VIPR2: variants seen among roughly 807,000 people sequenced by gnomAD.
VIPR2 encodes the protein vasoactive intestinal polypeptide receptor 2.
VIPR2 carries 48 observed loss-of-function variants against 58.0 expected under a neutral mutation model. The observed-to-expected ratio is 0.83, with a 90% CI of 0.66 to 1.05. VIPR2 has a LOEUF of 1.05. Ranked by LOEUF, VIPR2 falls within the 50% of genes least tolerant of loss-of-function variation. VIPR2 has a pLI of 0.00. For synonymous variants in VIPR2, 243 were observed against 235.2 expected, an observed-to-expected ratio of 1.03 and a Z score of -0.30; for missense variants, 534 against 558.0, an observed-to-expected ratio of 0.96 and a Z score of 0.43.
intron 2 of VIPR2, 85 bp from the exon 3 acceptor site, chr7:159,110,004 G>T (rs142911787): frequency 7.7e-4 from 986 of 1,274,652 alleles, no homozygotes; most frequent in Non-Finnish European, 1.1e-3. Flanking sequence ...TAACTGCCTC[G>T]CAAACTCCTT....
intron 4 of VIPR2, among the ~76,000 whole-genome samples, chr7:159,087,138 G>A (rs921328355): frequency 4.0e-5 from 6 of 148,474 alleles, no homozygotes; most frequent in Non-Finnish European, 9.0e-5. Flanking sequence ...CCCAGGACTC[G>A]GATAGTGAGA....
chr7:159,054,994 G>C (rs751593607), intron 5 of VIPR2, among the ~76,000 whole-genome samples: 1 of 152,176 alleles, frequency 6.6e-6, no homozygotes, highest in Non-Finnish European at 1.5e-5. Context: ...AAAGTAACAT[G>C]TGCATCTGTG....
rs1222283808 is a variant in VIPR2, at chr7:159,029,339, T to TA, written c.*1276_*1277insT. The TA allele has an allele frequency of 6.6e-6, 1 of 152,216 alleles. No homozygotes were observed. The highest frequency in any genetic ancestry group is 1.5e-5 in the Non-Finnish European group (1 of 68,080). 9.4% of individuals were successfully genotyped at this position (152,216 alleles called of 1,614,324 possible). A position where few individuals can be genotyped will look rare whatever the true frequency, so the allele number is the denominator to read the frequency against. On this transcript the variant is annotated 3_prime_UTR_variant, in exon 13 of 13. Transcript: ENST00000262178. ...GGGCTTGGCACACACATGGAGACTG[T>TA]GCCCTGATATCCCCACCCTTCTGCA... is the stretch of plus-strand genomic sequence containing the variant.
intron 4 of VIPR2, among the ~76,000 whole-genome samples, chr7:159,064,193 G>A (rs1302973483): frequency 6.6e-6 from 1 of 152,056 alleles, no homozygotes. Flanking sequence ...GGTGGGAGAG[G>A]GGCGGCCCCA....
intron 12 of VIPR2, 143 bp from the exon 13 acceptor site, chr7:159,030,932 C>T: frequency 8.5e-7 from 1 of 1,170,796 alleles, no homozygotes; most frequent in Middle Eastern, 3.0e-4. Flanking sequence ...GAAACAGAAA[C>T]GGCCTTGGGG....
intron 3 of VIPR2, among the ~76,000 whole-genome samples, chr7:159,105,395 G>T (rs1858585401): frequency 6.6e-6 from 1 of 152,188 alleles, no homozygotes; most frequent in Non-Finnish European, 1.5e-5. Context: ...TTAATTTCAA[G>T]ACAACCCTGC....
At chr7:159,064,317 G>A (rs772078203) in intron 4 of VIPR2, among the ~76,000 whole-genome samples, 3 of 152,054 alleles carry the variant, frequency 2.0e-5, no homozygotes, top group Admixed American at 6.5e-5. Flanking sequence ...CCGTGGGCTC[G>A]AGCGGGTCCA....
At position 159,031,896 on chromosome 7, in the gene VIPR2, G is replaced by A. The variant is rs1853609422; in HGVS notation, c.1102-27C>T. The stretch of plus-strand genomic sequence containing the variant: ...TGCAATGAGAAGAGATGGTCAGGCA[G>A]GACCCGCGCTCGGGGGAGGGCGGCC... On this transcript the variant is annotated intron_variant, in intron 11 of 12. Transcript: ENST00000262178. The surrounding 1 kb of genome is among the most constrained non-coding windows in gnomAD (Gnocchi z 4.0). 1.9e-6 allele frequency: 3 copies of A among 1,614,016 alleles called. No homozygotes were observed. Among genetic ancestry groups the A allele is most frequent in the Middle Eastern group, 1.6e-4 (1 of 6,082 alleles).
rs1199992514 is a variant in VIPR2 at position 159,128,554 on chromosome 7, G to A, written c.151+13892C>T. 6.6e-6 allele frequency among the ~76,000 whole-genome samples: 1 copy of A among 152,020 alleles called. No homozygotes were observed. Among genetic ancestry groups the A allele is most frequent in the African/African-American group, 2.4e-5 (1 of 41,384 alleles). On this transcript the variant is annotated intron_variant, in intron 2 of 12. Transcript: ENST00000262178. The surrounding 1 kb of genome is among the most constrained non-coding windows in gnomAD (Gnocchi z 4.1). ...AGTCCCTACCAGAGGCACTTTCCTCGCCTCTGACCCTGCCTTCTTTGCTCT... is the reference window on the plus strand; with the variant it reads ...AGTCCCTACCAGAGGCACTTTCCTCACCTCTGACCCTGCCTTCTTTGCTCT...
Position 159,034,667 on chromosome 7 carries a change from G to A in VIPR2, c.810-17C>T, listed in dbSNP as rs1261014609. 1 of 1,612,310 alleles carries A rather than the reference G, an allele frequency of 6.2e-7. No individual in the cohort carries two copies. Among genetic ancestry groups the A allele is most frequent in the East Asian group, 2.2e-5 (1 of 44,852 alleles). On this transcript the variant is annotated splice_polypyrimidine_tract_variant and intron_variant, in intron 8 of 12. Coordinates refer to ENST00000262178, the MANE Select transcript of VIPR2 (RefSeq NM_003382.5). ...TCCCAGCAACTGTCAGAGAGAGATG[G>A]GAAATCAGGTTACCACCAACCACTT...
At position 159,142,492 on chromosome 7, in the gene VIPR2, T is replaced by C. The variant is rs752567800; in HGVS notation, c.105A>G (p.Glu35=). 1 of 1,614,144 alleles carries C rather than the reference T, an allele frequency of 6.2e-7. No homozygotes were observed. Among genetic ancestry groups the C allele is most frequent in the South Asian group, 1.1e-5 (1 of 91,076 alleles). Residue 35 remains glutamate (E), a synonymous_variant, in exon 2 of 13, where the codon GAA becomes GAG. Coordinates refer to ENST00000262178, the MANE Select transcript of VIPR2 (RefSeq NM_003382.5). ...CRFHLEIQEE[E]TKCAELLRSQ... ...ACCTCAGAAGCTCTGCACATTTTGTTTCTTCCTCCTGTATTTCCAGATGAA... is the reference window on the plus strand; with the variant it reads ...ACCTCAGAAGCTCTGCACATTTTGTCTCTTCCTCCTGTATTTCCAGATGAA...
rs760747289 is a variant in VIPR2, at chr7:159,128,153, G to A, written c.151+14293C>T. Among the ~76,000 whole-genome samples, 30 of 152,096 alleles carry A rather than the reference G, an allele frequency of 2.0e-4. No homozygotes were observed. The highest frequency in any genetic ancestry group is 4.1e-4 in the Non-Finnish European group (28 of 68,000). Reference sequence around the variant, plus strand: ...CTCTGCCCCTGAGGGATGTGACGGGGGTGGGGGGACACCACCCCAGCTTAG... The same window carrying A: ...CTCTGCCCCTGAGGGATGTGACGGGAGTGGGGGGACACCACCCCAGCTTAG... On this transcript the variant is annotated intron_variant, in intron 2 of 12. Transcript: ENST00000262178. The surrounding 1 kb of genome is among the most constrained non-coding windows in gnomAD (Gnocchi z 4.1).
At chr7:159,106,369 G>C (rs1021717432) in intron 3 of VIPR2, among the ~76,000 whole-genome samples, 1 of 152,276 alleles carries the variant, frequency 6.6e-6, no homozygotes, top group Admixed American at 6.5e-5. Context: ...AAATGACTGA[G>C]GTGGCAACCT....
At chr7:159,034,501 T>C in intron 9 of VIPR2, 80 bp downstream of exon 9, 1 of 1,468,852 alleles carries the variant, frequency 6.8e-7, no homozygotes, top group Non-Finnish European at 9.5e-7. Flanking sequence ...TCAGTTCTAT[T>C]TAATAAAGGA....
At chr7:159,123,593 G>A (rs1295311099) in intron 2 of VIPR2, among the ~76,000 whole-genome samples, 1 of 152,132 alleles carries the variant, frequency 6.6e-6, no homozygotes, top group Non-Finnish European at 1.5e-5. Flanking sequence ...CTTTGCTATT[G>A]TGAATGGAGC....
chr7:159,048,242 G>A (rs905869574), intron 5 of VIPR2, among the ~76,000 whole-genome samples: 4 of 152,190 alleles, frequency 2.6e-5, no homozygotes, highest in Non-Finnish European at 5.9e-5. Flanking sequence ...GCTGATACAA[G>A]GGTAAGCTTA....
At chr7:159,081,685 T>C (rs1307508691) in intron 4 of VIPR2, among the ~76,000 whole-genome samples, 1 of 152,078 alleles carries the variant, frequency 6.6e-6, no homozygotes, top group Non-Finnish European at 1.5e-5. Context: ...ACAGGCAACC[T>C]ACAGAATGGG....
chr7:159,144,436 C>T (rs866552794), intron 1 of VIPR2: 46 of 1,546,960 alleles, frequency 3.0e-5, no homozygotes, highest in Middle Eastern at 1.7e-4. Flanking sequence ...TTGACGCGTC[C>T]AGGAAGAAAC....
intron 3 of VIPR2, 87 bp from the exon 4 acceptor site, chr7:159,103,941 T>G (rs545580818): frequency 1.7e-6 from 2 of 1,168,836 alleles, no homozygotes; most frequent in East Asian, 5.0e-5. Context: ...GCCCGTGCTC[T>G]ATTAAAATGC....
Sources: gnomAD v4.1 joint callset for allele counts (sites outside exome capture counted in the v4.1 genomes callset) on GRCh38, gnomAD v4.1.1 for gene constraint, Gnocchi (gnomAD v3.1) non-coding constraint, MANE v1.5 for transcripts, NCBI Gene and HGNC (gene_info 2026-07-23, HGNC 2026-07-21) for gene names.